DDX42: variants seen among roughly 807,000 people sequenced by gnomAD.
DDX42 encodes DEAD-box helicase 42, also known as ATP-dependent RNA helicase DDX42.
DDX42 carries 22 observed loss-of-function variants against 101.5 expected under a neutral mutation model. The ratio of observed to expected loss-of-function variants is 0.22; its 90% CI spans 0.15 to 0.31. DDX42 has a LOEUF of 0.31. DDX42 is among the 10% of genes least tolerant of loss of function. DDX42 has a pLI of 1.00. For synonymous variants in DDX42, 402 were observed against 401.2 expected (o/e 1.00, Z -0.02); for missense variants, 849 against 1,199.9 (o/e 0.71, Z 4.32).
chr17:63,792,113 A>G (rs571938428), intron 2 of DDX42, among the ~76,000 whole-genome samples: 18 of 151,944 alleles, frequency 1.2e-4, no homozygotes, highest in African/African-American at 4.3e-4. Flanking sequence ...TTTATCTAAC[A>G]ATGGTCAGTA....
At position 63,799,635 on chromosome 17, in the gene DDX42, T is replaced by C. The variant is rs367666182; in HGVS notation, c.471+10T>C. 25 of 1,611,734 alleles carry C rather than the reference T, an allele frequency of 1.6e-5. No individual in the cohort carries two copies. The highest frequency in any genetic ancestry group is 2.0e-5 in the Non-Finnish European group (24 of 1,178,568). ...AGAGGAAGATGACCAAGTGAGTTCC[T>C]ATGCAGTATTTCTATCTTTTATTTT... On this transcript the variant is annotated intron_variant, in intron 5 of 17. Coordinates refer to ENST00000389924, the MANE Select transcript of DDX42 (RefSeq NM_203499.3).
chr17:63,817,373 A>C, intron 17 of DDX42: 1 of 313,492 alleles, frequency 3.2e-6, no homozygotes, highest in Non-Finnish European at 5.9e-6. Context: ...AAATTGCAGT[A>C]TGAAAATTTT....
At chr17:63,792,663 T>A (rs1273877583) in intron 3 of DDX42, 101 bp downstream of exon 3, 1 of 1,334,554 alleles carries the variant, frequency 7.5e-7, no homozygotes, top group Admixed American at 2.9e-5. Flanking sequence ...CTAGTCTTAT[T>A]ATTTTTTTTT....
At position 63,818,969 on chromosome 17, in the gene DDX42, C is replaced by G. The variant is rs2040014512; in HGVS notation, c.*571C>G. The G allele has an allele frequency of 6.5e-6, 1 of 153,002 alleles. No homozygotes were observed. Among genetic ancestry groups the G allele is most frequent in the Non-Finnish European group, 1.5e-5 (1 of 68,486 alleles). The allele number at this position is 153,002 out of a possible 1,614,324, so 9.5% of individuals were successfully genotyped here. A position where few individuals can be genotyped will look rare whatever the true frequency, so the allele number is the denominator to read the frequency against. On this transcript the variant is annotated 3_prime_UTR_variant, in exon 18 of 18. Transcript: ENST00000389924. ...CAGCCCTGAGACATGTAGGAAACAC[C>G]TTTCAGACCCAGGCTCTGAAGATTC...
At chr17:63,789,956 T>C (rs1197790862) in intron 2 of DDX42, among the ~76,000 whole-genome samples, 1 of 152,192 alleles carries the variant, frequency 6.6e-6, no homozygotes, top group Non-Finnish European at 1.5e-5. Flanking sequence ...GTTTAAGTTT[T>C]AGCAAAGTCA....
rs183680355 is a variant in DDX42, at chr17:63,801,976, G to A, written c.621+1359G>A. On this transcript the variant is annotated intron_variant, in intron 6 of 17. Transcript: ENST00000389924. Reference sequence around the variant, plus strand: ...TAGATCTGGAGCAGTGGTTCTCAGTGTGGACCAAGAACCCCTTTCAGGGAG... The same window carrying A: ...TAGATCTGGAGCAGTGGTTCTCAGTATGGACCAAGAACCCCTTTCAGGGAG... 2.6e-4 allele frequency among the ~76,000 whole-genome samples: 39 copies of A among 152,310 alleles called. 1 individual carries two copies. The highest frequency in any genetic ancestry group is 1.2e-3 in the Admixed American group (18 of 15,306).
chr17:63,787,069 G>A lies in DDX42; in HGVS notation c.20G>A (p.Gly7Asp). 1 of 1,614,140 alleles carries A rather than the reference G, an allele frequency of 6.2e-7. No individual in the cohort carries two copies. Among genetic ancestry groups the A allele is most frequent in the Non-Finnish European group, 8.5e-7 (1 of 1,180,016 alleles). Residue 7 changes from glycine to aspartate, a missense_variant, in exon 2 of 18, where the codon GGT (glycine) becomes GAT (aspartate). By Grantham distance (94) the Gly-to-Asp change is moderately conservative. Coordinates refer to ENST00000389924, the MANE Select transcript of DDX42 (RefSeq NM_203499.3). ...GGCACCATGAACTGGAATAAAGGTGGTCCTGGCACTAAGCGAGGATTTGGC... is the reference window on the plus strand; with the variant it reads ...GGCACCATGAACTGGAATAAAGGTGATCCTGGCACTAAGCGAGGATTTGGC... The part of the protein sequence containing the change: MNWNKG[G>D]PGTKRGFGFG...
intron 1 of DDX42, among the ~76,000 whole-genome samples, chr17:63,776,626 G>A (rs2039424203): frequency 6.7e-6 from 1 of 148,298 alleles, no homozygotes; most frequent in Non-Finnish European, 1.5e-5. Flanking sequence ...ATAGGTGATA[G>A]TCTCATCTTT....
At chr17:63,778,309 C>CT (rs2039445843) in intron 1 of DDX42, among the ~76,000 whole-genome samples, 1 of 152,174 alleles carries the variant, frequency 6.6e-6, no homozygotes, top group Non-Finnish European at 1.5e-5. Context: ...TGTACATCCA[C>CT]ATTACTTTTC....
In DDX42 at chr17:63,818,570, C is replaced by T. The variant is rs2040009319; in HGVS notation, c.*172C>T. 1 of 639,482 alleles carries T rather than the reference C, an allele frequency of 1.6e-6. No individual in the cohort carries two copies. The highest frequency in any genetic ancestry group is 1.8e-5 in the African/African-American group (1 of 54,604). The allele number at this position is 639,482 out of a possible 1,614,324, so 39.6% of individuals were successfully genotyped here. A position where few individuals can be genotyped will look rare whatever the true frequency, so the allele number is the denominator to read the frequency against. ...ATCAGAAGGAATTTTCGGATGTTTT[C>T]TTGGGAAGCTGTTTTGGTCCTTGGA... is the stretch of plus-strand genomic sequence containing the variant. On this transcript the variant is annotated 3_prime_UTR_variant, in exon 18 of 18. Coordinates refer to ENST00000389924, the MANE Select transcript of DDX42 (RefSeq NM_203499.3).
At chr17:63,800,941 T>C (rs2039758409) in intron 6 of DDX42, among the ~76,000 whole-genome samples, 1 of 135,588 alleles carries the variant, frequency 7.4e-6, no homozygotes, top group Admixed American at 7.4e-5. Context: ...TTCTTTTCTT[T>C]CCTTCCTTCC....
At chr17:63,812,648 G>A (rs1250977751) in intron 14 of DDX42, among the ~76,000 whole-genome samples, 3 of 152,140 alleles carry the variant, frequency 2.0e-5, no homozygotes, top group African/African-American at 4.8e-5. Context: ...CTAGAAAGGA[G>A]AGAACTTCTC....
At chr17:63,777,002 G>A (rs2039428953) in intron 1 of DDX42, among the ~76,000 whole-genome samples, 1 of 152,182 alleles carries the variant, frequency 6.6e-6, no homozygotes, top group Non-Finnish European at 1.5e-5. Context: ...GAACTCCTGG[G>A]TTCAAGCAAT....
chr17:63,795,871 C>G (rs2039686468), intron 3 of DDX42, among the ~76,000 whole-genome samples: 1 of 152,176 alleles, frequency 6.6e-6, no homozygotes, highest in Admixed American at 6.5e-5. Context: ...CACCTCCAAA[C>G]CCCATATTCC....
intron 8 of DDX42, 96 bp downstream of exon 8, chr17:63,806,750 G>T (rs2039845800): frequency 1.5e-6 from 2 of 1,364,612 alleles, no homozygotes; most frequent in Non-Finnish European, 9.8e-7. Flanking sequence ...AGTGTTTAGT[G>T]TAGAACCTTG....
At position 63,809,669 on chromosome 17, in the gene DDX42, G is replaced by A. The variant is rs778589745; in HGVS notation, c.1252+10G>A. 1.2e-6 allele frequency: 2 copies of A among 1,606,440 alleles called. No individual in the cohort carries two copies. The highest frequency in any genetic ancestry group is 1.1e-5 in the South Asian group (1 of 90,908). On this transcript the variant is annotated intron_variant, in intron 11 of 17. Transcript: ENST00000389924. Reference sequence around the variant, plus strand: ...TTTGACATGGGATTTGGTATGCCTTGAATACCAGTTTCTTCTGTCCCCATC... The same window carrying A: ...TTTGACATGGGATTTGGTATGCCTTAAATACCAGTTTCTTCTGTCCCCATC...
chr17:63,796,374 G>T (rs1288891170), intron 3 of DDX42, among the ~76,000 whole-genome samples: 1 of 152,158 alleles, frequency 6.6e-6, no homozygotes. Context: ...CAATGGCTCA[G>T]TCTCAGCTCA....
chr17:63,811,015 T>C (rs574440725), intron 12 of DDX42, 61 bp from the exon 13 acceptor site: 1 of 1,402,348 alleles, frequency 7.1e-7, no homozygotes, highest in Non-Finnish European at 9.9e-7. Flanking sequence ...CCAAAGAAGC[T>C]TAATGGGTAT....
At chr17:63,781,151 A>G (rs147030281) in intron 1 of DDX42, among the ~76,000 whole-genome samples, 100 of 152,228 alleles carry the variant, frequency 6.6e-4, no homozygotes, top group African/African-American at 2.1e-3. Context: ...CCCTGTCCCT[A>G]CTGCTCCATT....
Sources: gnomAD v4.1 joint callset for allele counts (sites outside exome capture counted in the v4.1 genomes callset) on GRCh38, gnomAD v4.1.1 for gene constraint, MANE v1.5 for transcripts, NCBI Gene and HGNC (gene_info 2026-07-23, HGNC 2026-07-21) for gene names.